Variants in SYN3 observed in about 807,000 individuals in gnomAD.
SYN3 encodes synapsin-3.
SYN3 carries 35 observed loss-of-function variants against 65.8 expected under a neutral mutation model. That is an observed-to-expected ratio of 0.53 (90% CI 0.41 to 0.70). The LOEUF is 0.70. Among genes scored for constraint, SYN3 ranks in the 30% least tolerant of loss-of-function variants. The pLI, the probability that SYN3 is intolerant of heterozygous loss-of-function variation, is 0.00. For synonymous variants in SYN3, 270 were observed against 292.9 expected (o/e 0.92, Z 0.80); for missense variants, 680 against 749.0 (o/e 0.91, Z 1.08).
intron 6 of SYN3, among the ~76,000 whole-genome samples, chr22:32,665,489 GTATATATATA>G (rs130731): frequency 2.1e-5 from 3 of 141,360 alleles, no homozygotes; most frequent in East Asian, 2.0e-4. Context: ...CACAGTGTGT[GTATATATATA>G]TATATATATA....
At position 32,533,875 on chromosome 22, in the gene SYN3, C is replaced by G. The variant is rs199860120; in HGVS notation, c.1013G>C (p.Ser338Thr). The G allele has an allele frequency of 4.5e-5, 72 of 1,613,676 alleles. No individual in the cohort carries two copies. The East Asian group carries it at 1.4e-3, about 32-fold the overall frequency. ...MTERYRLWVDSCSEMFGGLDI... is the reference protein window; with the variant it reads ...MTERYRLWVDTCSEMFGGLDI... ...CAGGCCGCCAAACATTTCCGAGCAG[C>G]TGTCCACCCACAGCCTGTACCTGCA... Residue 338 changes from serine (S) to threonine (T), a missense_variant, in exon 10 of 14, where the codon AGC becomes ACC. Coordinates refer to ENST00000358763, the MANE Select transcript of SYN3 (RefSeq NM_003490.4).
At chr22:32,820,353 C>CGT (rs35230068) in intron 6 of SYN3, among the ~76,000 whole-genome samples, 74,421 of 141,474 alleles carry the variant, frequency 0.53, 19,448 homozygotes, top group East Asian at 0.71. Context: ...CATTCCACTG[C>CGT]GTGTGTGTGT....
At chr22:32,598,791 G>T (rs1894499) in intron 6 of SYN3, among the ~76,000 whole-genome samples, 3 of 151,122 alleles carry the variant, frequency 2.0e-5, no homozygotes, top group East Asian at 3.9e-4. Flanking sequence ...CCCAGCCATA[G>T]TTTTTTTTTT....
chr22:32,722,454 G>A (rs987122138), intron 6 of SYN3, among the ~76,000 whole-genome samples: 3 of 152,200 alleles, frequency 2.0e-5, no homozygotes, highest in African/African-American at 7.2e-5. Flanking sequence ...TTTAGGTTGA[G>A]CAACCTGGGT....
chr22:32,672,146 C>A (rs1302808670), intron 6 of SYN3, among the ~76,000 whole-genome samples: 1 of 152,186 alleles, frequency 6.6e-6, no homozygotes, highest in African/African-American at 2.4e-5. Context: ...TGTGTCCTTT[C>A]ACTAGTGATG....
chr22:32,603,760 CCAA>C (rs2059322121), intron 6 of SYN3, among the ~76,000 whole-genome samples: 1 of 152,148 alleles, frequency 6.6e-6, no homozygotes, highest in Non-Finnish European at 1.5e-5. Context: ...TCTTCCCTTC[CCAA>C]CAATAGCTTT....
At chr22:32,671,122 C>T (rs1052223034) in intron 6 of SYN3, among the ~76,000 whole-genome samples, 2 of 152,212 alleles carry the variant, frequency 1.3e-5, no homozygotes, top group Non-Finnish European at 2.9e-5. Flanking sequence ...TGAACTAGCT[C>T]AGTTGTTTTC....
intron 2 of SYN3, among the ~76,000 whole-genome samples, chr22:32,998,337 C>T (rs58263493): frequency 0.014 from 2,072 of 152,256 alleles, 52 homozygotes; most frequent in African/African-American, 0.047. Context: ...ATTCTCTCCA[C>T]CAGATGGATG....
intron 3 of SYN3, among the ~76,000 whole-genome samples, chr22:32,959,598 TCAGA>T (rs2146876986): frequency 6.6e-6 from 1 of 151,394 alleles, no homozygotes; most frequent in African/African-American, 2.4e-5. Flanking sequence ...AGGAGAGGCC[TCAGA>T]CACTTTTTTT....
chr22:32,550,736 A>T (rs1363138181), intron 7 of SYN3, among the ~76,000 whole-genome samples: 1 of 151,952 alleles, frequency 6.6e-6, no homozygotes. Context: ...TTTAGCACCC[A>T]GATTGTGGTC....
intron 6 of SYN3, among the ~76,000 whole-genome samples, chr22:32,807,638 C>T (rs1351806965): frequency 1.3e-5 from 2 of 150,136 alleles, no homozygotes; most frequent in Middle Eastern, 3.3e-3. Flanking sequence ...TGAGGTAACT[C>T]GTTTAAGGTT....
chr22:32,984,161 C>CAAAAAAAAAAAAAAAAAAAAAAAAA (rs35678412), intron 2 of SYN3, among the ~76,000 whole-genome samples: 1 of 93,014 alleles, frequency 1.1e-5, no homozygotes. Flanking sequence ...AAACTCCATC[C>CAAAAAAAAAAAAAAAAAAAAAAAAA]AAAAAAAAAA....
chr22:32,802,642 G>A (rs528482027), intron 6 of SYN3, among the ~76,000 whole-genome samples: 6 of 152,228 alleles, frequency 3.9e-5, no homozygotes, highest in South Asian at 2.1e-4. Flanking sequence ...CCAGCTGCAG[G>A]CTTCCCAGGC....
At chr22:32,570,270 G>T (rs892072086) in intron 7 of SYN3, among the ~76,000 whole-genome samples, 3 of 152,200 alleles carry the variant, frequency 2.0e-5, no homozygotes, top group East Asian at 3.9e-4. Context: ...TGAGCGTGGG[G>T]TCCCGCCAGG....
intron 6 of SYN3, among the ~76,000 whole-genome samples, chr22:32,793,616 G>A (rs1455261769): frequency 5.9e-5 from 9 of 152,188 alleles, no homozygotes; most frequent in Non-Finnish European, 1.5e-5. Context: ...TTCTGCCAAT[G>A]TTTGGTGAAT....
chr22:32,572,002 G>A (rs980488697), intron 7 of SYN3, among the ~76,000 whole-genome samples: 2 of 151,980 alleles, frequency 1.3e-5, no homozygotes, highest in African/African-American at 2.4e-5. Context: ...TGGTGAGATG[G>A]TGCAGTAAGA....
At chr22:32,800,384 G>C (rs576526606) in intron 6 of SYN3, among the ~76,000 whole-genome samples, 2 of 152,318 alleles carry the variant, frequency 1.3e-5, no homozygotes, top group South Asian at 4.1e-4. Flanking sequence ...GGAAGGAGCA[G>C]TGGAAAGGGG....
At chr22:32,835,023 T>C (rs537440155) in intron 6 of SYN3, among the ~76,000 whole-genome samples, 1 of 152,370 alleles carries the variant, frequency 6.6e-6, no homozygotes, top group South Asian at 2.1e-4. Flanking sequence ...GTCTGATTGC[T>C]GTACCCTTGT....
At chr22:32,683,990 C>T (rs891909218) in intron 6 of SYN3, among the ~76,000 whole-genome samples, 48 of 152,128 alleles carry the variant, frequency 3.2e-4, no homozygotes, top group Admixed American at 8.5e-4. Flanking sequence ...TTGCTGCATT[C>T]GTGGACTTTT....
Sources: gnomAD v4.1 joint callset for allele counts (sites outside exome capture counted in the v4.1 genomes callset) on GRCh38, gnomAD v4.1.1 for gene constraint, MANE v1.5 for transcripts, NCBI Gene and HGNC (gene_info 2026-07-23, HGNC 2026-07-21) for gene names.